CWC25: variants seen among roughly 807,000 people sequenced by gnomAD.
CWC25 encodes the protein CWC25 spliceosome associated protein, also known as pre-mRNA-splicing factor CWC25 homolog.
In CWC25, 31 loss-of-function variants were observed where a neutral mutation model predicts 54.6. The ratio of observed to expected loss-of-function variants is 0.57; its 90% CI spans 0.43 to 0.77. CWC25 has a LOEUF of 0.77. Among genes scored for constraint, CWC25 ranks in the 30% least tolerant of loss-of-function variants. The probability of loss-of-function intolerance (pLI) is 0.00; values close to 1 mark genes in which losing one functional copy is unlikely to be tolerated. For synonymous variants in CWC25, 151 were observed against 187.0 expected, an observed-to-expected ratio of 0.81 and a Z score of 1.57; for missense variants, 453 against 529.3, an observed-to-expected ratio of 0.86 and a Z score of 1.41.
rs1423641566 is a variant in CWC25, at chr17:38,815,636, TA to T, written c.192-540del. On this transcript the variant is annotated intron_variant, in intron 2 of 9. Transcript: ENST00000614790. ...GAATATTCACTCACATAAAGCAATT[TA>T]TAAGGAAAACCAGTGTTCCTCAACA... is the stretch of plus-strand genomic sequence containing the variant. 6 of 1,281,614 alleles carry T rather than the reference TA, an allele frequency of 4.7e-6. No individual in the cohort carries two copies. In the South Asian group the frequency reaches 7.4e-5, roughly 16 times the overall value. The allele number at this position is 1,281,614 out of a possible 1,614,324, so 79.4% of individuals were successfully genotyped here. A position where few individuals can be genotyped will look rare whatever the true frequency, so the allele number is the denominator to read the frequency against.
rs1188236591 is a variant in CWC25 at position 38,807,338 on chromosome 17, A to G, written c.691-362T>C. Among the ~76,000 whole-genome samples the G allele has an allele frequency of 8.6e-5, 12 of 139,384 alleles. 2 individuals carry two copies. Among genetic ancestry groups the G allele is most frequent in the South Asian group, 2.3e-4 (1 of 4,270 alleles). The allele number at this position is 139,384 out of a possible 152,430, so 91.4% of individuals were successfully genotyped here. On this transcript the variant is annotated intron_variant, in intron 6 of 9. Coordinates refer to ENST00000614790, the MANE Select transcript of CWC25 (RefSeq NM_017748.5). ...ACTCCGTCTCAAAAAAAAAAAAAAA[A>G]AAAAGAAAAGGCAGTGAAACAGGAA...
rs1274142571 is a variant in CWC25, at chr17:38,806,847, T to C, written c.820A>G (p.Lys274Glu). The change falls in exon 7 of 10, where the codon AAG (lysine) becomes GAG (glutamate). Residue 274 changes from lysine to glutamate, a missense_variant. Physicochemically the swap from Lys to Glu is moderately conservative, Grantham distance 56 (BLOSUM62 1). Transcript: ENST00000614790. ...SHSPPRHASK[K>E]STREAGSRDR... ...CGGGACCCTGCTTCCCTGGTGCTCT[T>C]CTTGCTGGCATGTCTTGGGGGTGAG... is the stretch of plus-strand genomic sequence containing the variant. 1.2e-6 allele frequency: 2 copies of C among 1,613,768 alleles called. No individual in the cohort carries two copies. Among genetic ancestry groups the C allele is most frequent in the Admixed American group, 3.3e-5 (2 of 59,990 alleles).
At chr17:38,817,110 A>G (rs1911730735) in intron 2 of CWC25, among the ~76,000 whole-genome samples, 1 of 150,448 alleles carries the variant, frequency 6.6e-6, no homozygotes, top group Non-Finnish European at 1.5e-5. Context: ...GGAGGCCAAG[A>G]CAGGCTGATC....
At chr17:38,819,074 A>G (rs76353557) in intron 2 of CWC25, among the ~76,000 whole-genome samples, 2 of 152,126 alleles carry the variant, frequency 1.3e-5, no homozygotes, top group South Asian at 4.1e-4. Context: ...CCCAGGCCGA[A>G]GTCAGTGGCA....
rs199507186 is a variant in CWC25 at position 38,806,807 on chromosome 17, C to A, written c.860G>T (p.Arg287Leu). 4.9e-4 allele frequency: 786 copies of A among 1,610,142 alleles called. 1 individual carries two copies. The highest frequency in any genetic ancestry group is 2.3e-3 in the African/African-American group (169 of 74,822). Residue 287 changes from arginine (R) to leucine (L), a missense_variant, in exon 7 of 10, where the codon CGA (arginine) becomes CTA (leucine). This residue lies in a region of CWC25 where 444 missense variants were observed against 499.2 expected (regional missense o/e 0.89). Transcript: ENST00000614790. ...GGACCGTGACCTTCTGCCCAGGGAT[C>A]GAGACCTCCTGTCCCGGGACCCTGC... is the stretch of plus-strand genomic sequence containing the variant. ...REAGSRDRRS[R>L]SLGRRSRSPR...
At chr17:38,813,963 G>A (rs188954962) in intron 3 of CWC25, among the ~76,000 whole-genome samples, 1 of 152,100 alleles carries the variant, frequency 6.6e-6, no homozygotes, top group African/African-American at 2.4e-5. Context: ...CCGGGTTCAT[G>A]CCATTCTCCT....
Position 38,809,767 on chromosome 17 carries a change from T to G in CWC25, c.627-2A>C, listed in dbSNP as rs1310898320. ...GAATTTGCCATCTTCTTCTGTGATC[T>G]AAGAGATCAAAATACACACACTCAT... On this transcript the variant is annotated splice_acceptor_variant, in intron 5 of 9. Coordinates refer to ENST00000614790, the MANE Select transcript of CWC25 (RefSeq NM_017748.5). LOFTEE classifies it high-confidence loss of function. 1 of 1,613,512 alleles carries G rather than the reference T, an allele frequency of 6.2e-7. No homozygotes were observed. Among genetic ancestry groups the G allele is most frequent in the South Asian group, 1.1e-5 (1 of 91,052 alleles).
chr17:38,816,698 T>C (rs553102636), intron 2 of CWC25, among the ~76,000 whole-genome samples: 111 of 151,602 alleles, frequency 7.3e-4, no homozygotes, highest in African/African-American at 2.3e-3. Context: ...CTTTTTTTTT[T>C]CCCCCAGACA....
rs760307581 is a variant in CWC25 at position 38,810,583 on chromosome 17, G to C, written c.511C>G (p.Leu171Val). The C allele has an allele frequency of 6.7e-7, 1 of 1,494,058 alleles. No individual in the cohort carries two copies. The highest frequency in any genetic ancestry group is 1.2e-5 in the South Asian group (1 of 83,188). The allele number at this position is 1,494,058 out of a possible 1,614,324, so 92.6% of individuals were successfully genotyped here. A position where few individuals can be genotyped will look rare whatever the true frequency, so the allele number is the denominator to read the frequency against. ...TTTTTCTTCTTCTCCTTTTTTTCCA[G>C]ACTCATTTGCAACTGGAAAATGCCG... Reference protein sequence around the residue: ...KKIKELLQMSLEKKEKKKKKE... With the variant: ...KKIKELLQMSVEKKEKKKKKE... The change falls in exon 5 of 10, where the codon CTG becomes GTG. Residue 171 changes from leucine to valine, a missense_variant. This residue lies in a region of CWC25 where 444 missense variants were observed against 499.2 expected (regional missense o/e 0.89). Transcript: ENST00000614790.
At chr17:38,812,557 G>A (rs1911534017) in intron 4 of CWC25, among the ~76,000 whole-genome samples, 1 of 152,088 alleles carries the variant, frequency 6.6e-6, no homozygotes, top group Non-Finnish European at 1.5e-5. Flanking sequence ...AACCTGGGAG[G>A]CGGAGGTTGC....
chr17:38,824,485 G>A (rs76113793), intron 1 of CWC25, among the ~76,000 whole-genome samples: 4,719 of 152,024 alleles, frequency 0.031, 238 homozygotes, highest in African/African-American at 0.11. Context: ...TCGGCAGATC[G>A]AGACCAGCCT....
At chr17:38,814,080 C>T (rs948643544) in intron 3 of CWC25, among the ~76,000 whole-genome samples, 6 of 151,620 alleles carry the variant, frequency 4.0e-5, no homozygotes, top group Non-Finnish European at 8.8e-5. Flanking sequence ...CCAGGATGGT[C>T]TCGATCTCCT....
At chr17:38,821,599 C>T (rs913234166) in intron 1 of CWC25, among the ~76,000 whole-genome samples, 3 of 152,028 alleles carry the variant, frequency 2.0e-5, no homozygotes, top group East Asian at 1.9e-4. Context: ...CAGGATAGAA[C>T]GGGTCCTTCC....
chr17:38,807,437 G>C (rs1911300835), intron 6 of CWC25, among the ~76,000 whole-genome samples: 2 of 139,984 alleles, frequency 1.4e-5, no homozygotes, highest in South Asian at 4.6e-4. Flanking sequence ...TATAAACTTA[G>C]TTATCTGCAG....
At position 38,801,328 on chromosome 17, in the gene CWC25, C is replaced by G. The variant is rs965890710; in HGVS notation, c.*764G>C. 1 of 152,182 alleles carries G rather than the reference C, an allele frequency of 6.6e-6. No individual in the cohort carries two copies. Among genetic ancestry groups the G allele is most frequent in the Non-Finnish European group, 1.5e-5 (1 of 68,036 alleles). 9.4% of individuals were successfully genotyped at this position (152,182 alleles called of 1,614,324 possible). A position where few individuals can be genotyped will look rare whatever the true frequency, so the allele number is the denominator to read the frequency against. ...CAAGCAGTGGAAAAGAATAGATACT[C>G]CAGATCTCGTCGATAAACCCAGGCT... On this transcript the variant is annotated 3_prime_UTR_variant, in exon 10 of 10. Transcript: ENST00000614790.
rs149573743 is a variant in CWC25 at position 38,807,038 on chromosome 17, G to A, written c.691-62C>T. The A allele has an allele frequency of 2.1e-4, 301 of 1,400,036 alleles. No homozygotes were observed. In the African/African-American group the frequency reaches 3.7e-3, roughly 17 times the overall value. The allele number at this position is 1,400,036 out of a possible 1,614,324, so 86.7% of individuals were successfully genotyped here. A position where few individuals can be genotyped will look rare whatever the true frequency, so the allele number is the denominator to read the frequency against. ...AAAATCCAGCTATTCAGGAGAAAAC[G>A]CGGCCGGGCTCAGTGGCTCACGCCT... On this transcript the variant is annotated intron_variant, in intron 6 of 9. Coordinates refer to ENST00000614790, the MANE Select transcript of CWC25 (RefSeq NM_017748.5).
chr17:38,812,945 A>C, intron 3 of CWC25, 81 bp from the exon 4 acceptor site: 1 of 778,982 alleles, frequency 1.3e-6, no homozygotes, highest in Non-Finnish European at 2.2e-6. Context: ...AAACATATAC[A>C]GACAAACTGG....
Position 38,825,208 on chromosome 17 carries a change from C to G in CWC25, c.-25G>C, listed in dbSNP as rs1442350970. ...TGACGGTGGAGACGATTCCTCACTA[C>G]GCGGATCTGGAAGATTTCGGGAGGA... On this transcript the variant is annotated 5_prime_UTR_variant, in exon 1 of 10. Transcript: ENST00000614790. 1.9e-6 allele frequency: 3 copies of G among 1,587,266 alleles called. No homozygotes were observed. Among genetic ancestry groups the G allele is most frequent in the Non-Finnish European group, 2.6e-6 (3 of 1,167,672 alleles).
At position 38,810,482 on chromosome 17, in the gene CWC25, C is replaced by A; in HGVS notation, c.612G>T (p.Glu204Asp). The A allele has an allele frequency of 6.3e-7, 1 of 1,595,258 alleles. No homozygotes were observed. Among genetic ancestry groups the A allele is most frequent in the Non-Finnish European group, 8.5e-7 (1 of 1,170,906 alleles). The change falls in exon 5 of 10, where the codon GAG (glutamate) becomes GAT (aspartate). Residue 204 changes from glutamate to aspartate, a missense_variant. Around this residue, in one of 2 missense-constraint regions of CWC25, gnomAD observed 444 missense variants for 499.2 expected, o/e 0.89. Coordinates refer to ENST00000614790, the MANE Select transcript of CWC25 (RefSeq NM_017748.5). ...SSSDRSSSED[E>D]HSAGRSQKKM... Reference sequence around the variant, plus strand: ...CACATGCTCACCTCCCTGCACTGTGCTCATCCTCGCTGCTGGAACGATCAC... The same window carrying A: ...CACATGCTCACCTCCCTGCACTGTGATCATCCTCGCTGCTGGAACGATCAC...
Sources: gnomAD v4.1 joint callset for allele counts (sites outside exome capture counted in the v4.1 genomes callset) on GRCh38, gnomAD v4.1.1 for gene constraint, gnomAD v4.1.1 regional missense constraint, MANE v1.5 for transcripts, NCBI Gene and HGNC (gene_info 2026-07-23, HGNC 2026-07-21) for gene names.